ACTR3C: variants seen among roughly 807,000 people sequenced by gnomAD.
ACTR3C encodes the protein actin related protein 3C.
ACTR3C carries 18 observed loss-of-function variants against 26.3 expected under a neutral mutation model. The observed-to-expected ratio is 0.68, with a 90% confidence interval of 0.47 to 1.01. ACTR3C has a LOEUF of 1.01. Among genes scored for constraint, ACTR3C ranks in the 50% least tolerant of loss-of-function variants. ACTR3C has a pLI of 0.00. For missense variants in ACTR3C, 184 were observed against 250.7 expected (o/e 0.73, Z 1.80); for synonymous variants, 55 against 94.5 (o/e 0.58, Z 2.42).
the ACTR3C span, among the ~76,000 whole-genome samples, chr7:149,917,584 T>C: frequency 6.6e-6 from 1 of 151,660 alleles, no homozygotes; most frequent in South Asian, 2.1e-4. Flanking sequence ...TAAGGTCAAT[T>C]AATTTATGTT....
the ACTR3C span, among the ~76,000 whole-genome samples, chr7:150,103,109 C>G: frequency 6.6e-6 from 1 of 151,818 alleles, no homozygotes; most frequent in Non-Finnish European, 1.5e-5. Context: ...CACCCTCATA[C>G]TCAAAGAGAA....
the ACTR3C span, among the ~76,000 whole-genome samples, chr7:150,037,005 C>A: frequency 1.8e-5 from 1 of 55,544 alleles, no homozygotes; most frequent in Non-Finnish European, 4.0e-5. Flanking sequence ...CGCCCCCCTG[C>A]GATGGGGGTA....
the ACTR3C span, among the ~76,000 whole-genome samples, chr7:150,142,436 C>T: frequency 2.0e-5 from 3 of 152,226 alleles, no homozygotes; most frequent in African/African-American, 7.2e-5. Flanking sequence ...ACTCCCCCAG[C>T]CCTGCGCCTG....
At chr7:150,091,007 G>A in the ACTR3C span, among the ~76,000 whole-genome samples, 2 of 152,144 alleles carry the variant, frequency 1.3e-5, no homozygotes, top group African/African-American at 4.8e-5. Context: ...CTTCTGAAAG[G>A]ATAGCAGGAA....
At chr7:149,919,530 G>T in the ACTR3C span, among the ~76,000 whole-genome samples, 38 of 152,244 alleles carry the variant, frequency 2.5e-4, no homozygotes, top group African/African-American at 8.9e-4. Context: ...GTGAGCCACC[G>T]CGTCTGGCCC....
the ACTR3C span, among the ~76,000 whole-genome samples, chr7:150,198,656 C>G: frequency 6.7e-6 from 1 of 149,328 alleles, no homozygotes; most frequent in Admixed American, 6.6e-5. Context: ...GGCAGCTGCC[C>G]CGTCTGAGAA....
chr7:150,279,139 C>A (rs1011736460), intron 6 of ACTR3C, among the ~76,000 whole-genome samples: 2 of 151,500 alleles, frequency 1.3e-5, no homozygotes, highest in East Asian at 3.9e-4. Context: ...CTCAACTCTA[C>A]AAAAAAAAAT....
At chr7:149,984,123 A>C in the ACTR3C span, among the ~76,000 whole-genome samples, 7 of 152,140 alleles carry the variant, frequency 4.6e-5, no homozygotes, top group African/African-American at 1.4e-4. Context: ...CAAAAAAAAG[A>C]AAGAAAGAAA....
the ACTR3C span, among the ~76,000 whole-genome samples, chr7:150,094,459 G>C: frequency 6.7e-6 from 1 of 150,252 alleles, no homozygotes; most frequent in African/African-American, 2.5e-5. Flanking sequence ...GTTGGTTACT[G>C]TTTATCTGTT....
the ACTR3C span, among the ~76,000 whole-genome samples, chr7:150,161,222 A>ATATATATATATATATTTATT: frequency 8.3e-6 from 1 of 120,420 alleles, no homozygotes; most frequent in African/African-American, 3.5e-5. Context: ...ATATATATAT[A>ATATATATATATATATTTATT]TATTTATTAT....
the ACTR3C span, among the ~76,000 whole-genome samples, chr7:149,971,945 G>T: frequency 6.6e-6 from 1 of 152,206 alleles, no homozygotes; most frequent in Non-Finnish European, 1.5e-5. Flanking sequence ...AGCCCCCTCT[G>T]TTGGGATCTC....
At chr7:149,953,797 G>A in the ACTR3C span, among the ~76,000 whole-genome samples, 1 of 146,204 alleles carries the variant, frequency 6.8e-6, no homozygotes, top group African/African-American at 2.5e-5. Context: ...GACTAGGAGT[G>A]ATCTCTAAAT....
chr7:149,906,309 G>A, the ACTR3C span, among the ~76,000 whole-genome samples: 1 of 150,880 alleles, frequency 6.6e-6, no homozygotes, highest in Non-Finnish European at 1.5e-5. Flanking sequence ...AACCTATAAT[G>A]TGCCATTTAT....
chr7:149,950,596 C>T, the ACTR3C span, among the ~76,000 whole-genome samples: 2 of 150,882 alleles, frequency 1.3e-5, no homozygotes, highest in South Asian at 4.2e-4. Flanking sequence ...ATCATAGAGG[C>T]AATCCCACAG....
the ACTR3C span, among the ~76,000 whole-genome samples, chr7:149,981,557 T>C: frequency 6.7e-6 from 1 of 150,050 alleles, no homozygotes; most frequent in African/African-American, 2.4e-5. Flanking sequence ...GGACTCAGAC[T>C]GGTCAATGCC....
the ACTR3C span, among the ~76,000 whole-genome samples, chr7:150,173,274 G>A: frequency 6.8e-6 from 1 of 147,234 alleles, no homozygotes; most frequent in Non-Finnish European, 1.5e-5. Context: ...CTAGGTGGAG[G>A]TTCCCAAACA....
chr7:150,299,322 G>A (rs1453763244), intron 1 of ACTR3C, among the ~76,000 whole-genome samples: 1 of 151,118 alleles, frequency 6.6e-6, no homozygotes, highest in South Asian at 2.1e-4. Context: ...AGCCGGGTGT[G>A]TGCCTGTAGT....
intron 6 of ACTR3C, among the ~76,000 whole-genome samples, chr7:150,265,805 T>C (rs1833994602): frequency 6.6e-6 from 1 of 152,142 alleles, no homozygotes; most frequent in Non-Finnish European, 1.5e-5. Flanking sequence ...TTATTTATCG[T>C]TTGCATGCAT....
chr7:150,152,512 C>G, the ACTR3C span, among the ~76,000 whole-genome samples: 1 of 152,246 alleles, frequency 6.6e-6, no homozygotes, highest in South Asian at 2.1e-4. Flanking sequence ...GGTGGATAAG[C>G]TTTTTGATGT....
Sources: allele counts gnomAD v4.1 joint callset (sites outside exome capture counted in the v4.1 genomes callset), GRCh38; gene constraint gnomAD v4.1.1; transcripts MANE v1.5; gene names NCBI Gene and HGNC (gene_info 2026-07-23, HGNC 2026-07-21).